PAK1IP1: variants seen among roughly 807,000 people sequenced by gnomAD.
PAK1IP1 encodes the protein PAK1 interacting protein 1, also known as p21-activated protein kinase-interacting protein 1.
PAK1IP1 carries 24 observed loss-of-function variants against 42.0 expected under a neutral mutation model. The ratio of observed to expected loss-of-function variants is 0.57; its 90% confidence interval spans 0.41 to 0.80. The LOEUF (loss-of-function observed/expected upper bound fraction) is 0.80, where lower values mean the gene tolerates loss of function less well. Among genes scored for constraint, PAK1IP1 ranks in the 30% least tolerant of loss-of-function variants. The probability of loss-of-function intolerance (pLI) is 0.00; values close to 1 mark genes in which losing one functional copy is unlikely to be tolerated. For synonymous variants in PAK1IP1, 154 were observed against 156.7 expected, an observed-to-expected ratio of 0.98 and a Z score of 0.13; for missense variants, 411 against 467.9, an observed-to-expected ratio of 0.88 and a Z score of 1.12.
upstream of PAK1IP1, among the ~76,000 whole-genome samples, chr6:10,693,914 A>G (rs775158604): frequency 2.0e-5 from 3 of 152,102 alleles, no homozygotes; most frequent in Non-Finnish European, 4.4e-5. Context: ...ATTTTTGTAG[A>G]GACGGCATCA....
chr6:10,708,576 A>G (rs1352922690), intron 8 of PAK1IP1, among the ~76,000 whole-genome samples: 3 of 151,974 alleles, frequency 2.0e-5, no homozygotes, highest in African/African-American at 7.3e-5. Context: ...CATGTGTACA[A>G]CGTGCAGGTT....
upstream of PAK1IP1, among the ~76,000 whole-genome samples, chr6:10,693,820 C>T (rs1769578048): frequency 6.6e-6 from 1 of 152,148 alleles, no homozygotes; most frequent in Non-Finnish European, 1.5e-5. Flanking sequence ...CCTCGACCTC[C>T]TGGGCTCAAG....
At chr6:10,696,443 G>A (rs1369221869) in intron 1 of PAK1IP1, among the ~76,000 whole-genome samples, 2 of 152,108 alleles carry the variant, frequency 1.3e-5, no homozygotes, top group African/African-American at 4.8e-5. Flanking sequence ...ACTTTTTGAT[G>A]CAGTTCCTTC....
At chr6:10,695,131 TACACAGCAGAGGTGA>T in intron 1 of PAK1IP1, 62 bp downstream of exon 1, 1 of 1,041,644 alleles carries the variant, frequency 9.6e-7, no homozygotes, top group Admixed American at 1.7e-5. Context: ...GTTTGGTTCC[TACACAGCAGAGGTGA>T]ACATTGGAGC....
At chr6:10,708,066 T>C (rs1189861397) in intron 8 of PAK1IP1, among the ~76,000 whole-genome samples, 1 of 148,796 alleles carries the variant, frequency 6.7e-6, no homozygotes, top group Non-Finnish European at 1.5e-5. Context: ...TTTTTAAGTA[T>C]ACAATTCAGT....
rs987039229 is a variant in PAK1IP1, at chr6:10,709,739, A to G, written c.*287A>G. 6 of 184,274 alleles carry G rather than the reference A, an allele frequency of 3.3e-5. 1 individual carries two copies. The South Asian group carries it at 5.2e-4, about 16-fold the overall frequency. 11.4% of individuals were successfully genotyped at this position (184,274 alleles called of 1,614,324 possible). On this transcript the variant is annotated 3_prime_UTR_variant, in exon 10 of 10. Coordinates refer to ENST00000379568, the MANE Select transcript of PAK1IP1 (RefSeq NM_017906.3). ...AAAGCAAATAAAGATCTTTCTCAAAATATACTGTAAAATAATATAAAATAT... is the reference window on the plus strand; with the variant it reads ...AAAGCAAATAAAGATCTTTCTCAAAGTATACTGTAAAATAATATAAAATAT...
At position 10,707,426 on chromosome 6, in the gene PAK1IP1, T is replaced by C. The variant is rs1770236554; in HGVS notation, c.752T>C (p.Met251Thr). The C allele has an allele frequency of 6.3e-7, 1 of 1,577,458 alleles. No individual in the cohort carries two copies. The highest frequency in any genetic ancestry group is 1.3e-5 in the African/African-American group (1 of 74,182). ...TATTTCTATCCTAGGGTAAAGGACA[T>C]GTTCAGTTTTGAAATTCCAGAGCAT... ...FKAHENRVKD[M>T]FSFEIPEHHV... The change falls in exon 8 of 10, where the codon ATG (methionine) becomes ACG (threonine). Residue 251 changes from methionine (M) to threonine (T), a missense_variant. Transcript: ENST00000379568.
At chr6:10,705,404 C>T (rs901606838) in intron 7 of PAK1IP1, among the ~76,000 whole-genome samples, 15 of 152,162 alleles carry the variant, frequency 9.9e-5, no homozygotes, top group Non-Finnish European at 2.1e-4. Context: ...GTCTGTTAGA[C>T]TTGGAGCCTG....
At chr6:10,703,490 A>C in intron 5 of PAK1IP1, 33 bp downstream of exon 5, 1 of 1,481,638 alleles carries the variant, frequency 6.7e-7, no homozygotes, top group South Asian at 1.2e-5. Flanking sequence ...CAGGTTGAGC[A>C]TTCCTAATCT....
In PAK1IP1 at chr6:10,702,500, C is replaced by T. The variant is rs371077944; in HGVS notation, c.368+11C>T. 6.2e-6 allele frequency: 10 copies of T among 1,614,006 alleles called. No individual in the cohort carries two copies. In the African/African-American group the frequency reaches 1.3e-4, roughly 22 times the overall value. ...AATTAAAGCTCACAAGTGAGTCGGG[C>T]TCTTTCCCTTTGGCATTCTCGATGT... On this transcript the variant is annotated intron_variant, in intron 3 of 9. Coordinates refer to ENST00000379568, the MANE Select transcript of PAK1IP1 (RefSeq NM_017906.3).
chr6:10,702,268 A>G (rs1581583072), intron 2 of PAK1IP1, 101 bp from the exon 3 acceptor site: 1 of 869,174 alleles, frequency 1.2e-6, no homozygotes, highest in Non-Finnish European at 1.8e-6. Flanking sequence ...AAAGAAAAAA[A>G]GGTATTGAGT....
At chr6:10,708,045 T>C (rs571473891) in intron 8 of PAK1IP1, among the ~76,000 whole-genome samples, 13 of 151,004 alleles carry the variant, frequency 8.6e-5, no homozygotes, top group Non-Finnish European at 1.3e-4. Context: ...AATTTTCTTT[T>C]TTTTTTTTTT....
At chr6:10,691,826 G>A (rs540064413), upstream of PAK1IP1, among the ~76,000 whole-genome samples, 30 of 152,126 alleles carry the variant, frequency 2.0e-4, no homozygotes, top group African/African-American at 6.7e-4. Flanking sequence ...TGATTTCTAA[G>A]TTTTGGGGTT....
At position 10,709,088 on chromosome 6, in the gene PAK1IP1, T is replaced by G; in HGVS notation, c.964+12T>G. The stretch of plus-strand genomic sequence containing the variant: ...AGAGCCTTCTCCTGGTAATCGAATT[T>G]GATTGTTTTGAAATTTTGAATAATC... On this transcript the variant is annotated intron_variant, in intron 9 of 9. Coordinates refer to ENST00000379568, the MANE Select transcript of PAK1IP1 (RefSeq NM_017906.3). 6.2e-7 allele frequency: 1 copy of G among 1,605,604 alleles called. No homozygotes were observed. The highest frequency in any genetic ancestry group is 8.5e-7 in the Non-Finnish European group (1 of 1,176,920).
At chr6:10,705,920 A>G (rs1018275767) in intron 7 of PAK1IP1, among the ~76,000 whole-genome samples, 14 of 152,172 alleles carry the variant, frequency 9.2e-5, no homozygotes, top group Non-Finnish European at 1.9e-4. Context: ...AAGTGAATAT[A>G]TTTTTCAAAG....
upstream of PAK1IP1, among the ~76,000 whole-genome samples, chr6:10,692,029 A>T (rs932876188): frequency 8.5e-5 from 13 of 152,236 alleles, no homozygotes; most frequent in African/African-American, 2.7e-4. Context: ...AATTTATTTT[A>T]AAAAGTGTAT....
upstream of PAK1IP1, chr6:10,694,941 C>G (rs1242743481): frequency 3.1e-6 from 4 of 1,295,470 alleles, no homozygotes; most frequent in Non-Finnish European, 4.4e-6. Flanking sequence ...GTTCTGTCAC[C>G]TCCAGGCTGA....
At position 10,709,070 on chromosome 6, in the gene PAK1IP1, T is replaced by C; in HGVS notation, c.958T>C (p.Ser320Pro). The C allele has an allele frequency of 1.2e-6, 2 of 1,611,902 alleles. No homozygotes were observed. Among genetic ancestry groups the C allele is most frequent in the Non-Finnish European group, 1.7e-6 (2 of 1,179,244 alleles). ...AAGCCTTCCTCCAGCTGCAGAGCCT[T>C]CTCCTGGTAATCGAATTTGATTGTT... The part of the protein sequence containing the change: ...KESLPPAAEP[S>P]PVSKEQSKIG... Residue 320 changes from serine to proline, a missense_variant, in exon 9 of 10, where the codon TCT becomes CCT. By Grantham distance (74) the Ser-to-Pro change is moderately conservative. Coordinates refer to ENST00000379568, the MANE Select transcript of PAK1IP1 (RefSeq NM_017906.3).
chr6:10,693,280 C>T (rs1001712315), upstream of PAK1IP1, among the ~76,000 whole-genome samples: 1 of 152,208 alleles, frequency 6.6e-6, no homozygotes, highest in Non-Finnish European at 1.5e-5. Flanking sequence ...GTGCTCTCAC[C>T]ATCGTTCCAT....
Sources: gnomAD v4.1 joint callset for allele counts (sites outside exome capture counted in the v4.1 genomes callset) on GRCh38, gnomAD v4.1.1 for gene constraint, MANE v1.5 for transcripts, NCBI Gene and HGNC (gene_info 2026-07-23, HGNC 2026-07-21) for gene names.